Variants in SBF1 observed in about 807,000 individuals in gnomAD.
The protein encoded by SBF1 is SET binding factor 1.
A neutral mutation model predicts 215.8 loss-of-function variants in SBF1; 65 were observed. That is an observed-to-expected ratio of 0.30 (90% confidence interval 0.25 to 0.37). SBF1 has a LOEUF of 0.37. Ranked by LOEUF, SBF1 falls within the 10% of genes least tolerant of loss-of-function variation. The probability of loss-of-function intolerance (pLI) is 1.00; values close to 1 mark genes in which losing one functional copy is unlikely to be tolerated. For missense variants in SBF1, 2,634 were observed against 2,667.8 expected (o/e 0.99, Z 0.28); for synonymous variants, 1,410 against 1,122.8 (o/e 1.26, Z -5.11).
At chr22:50,455,664 C>T in intron 31 of SBF1, 82 bp from the exon 32 acceptor site, 2 of 1,177,604 alleles carry the variant, frequency 1.7e-6, no homozygotes, top group Non-Finnish European at 2.5e-6. Flanking sequence ...ACCCGCATGT[C>T]CACAGGCAGC....
chr22:50,454,666 G>GCTCCCTC lies in SBF1; in HGVS notation c.4888_4889insGAGGGAG (p.Pro1630ArgfsTer6). The GCTCCCTC allele has an allele frequency of 6.3e-7, 1 of 1,581,558 alleles. No individual in the cohort carries two copies. Among genetic ancestry groups the GCTCCCTC allele is most frequent in the South Asian group, 1.2e-5 (1 of 86,326 alleles). On this transcript the variant is annotated frameshift_variant, in exon 36 of 41. Transcript: ENST00000380817. LOFTEE classifies it high-confidence loss of function. ...CTGGGCCAGTTCCCAGTCATAGGGA[G>GCTCCCTC]GGCCCTCGGCCAGCGTCTCCTCAGT... is the stretch of plus-strand genomic sequence containing the variant.
Position 50,448,238 on chromosome 22 carries a change from C to A in SBF1, c.5358G>T (p.Glu1786Asp). 6.2e-7 allele frequency: 1 copy of A among 1,611,818 alleles called. No homozygotes were observed. The highest frequency in any genetic ancestry group is 8.5e-7 in the Non-Finnish European group (1 of 1,179,872). Residue 1786 changes from glutamate to aspartate, a missense_variant, in exon 38 of 41, where the codon GAG becomes GAT. Transcript: ENST00000380817. ...AGTGGGAGGTGCCCTCATACCTGTT[C>A]TCACTCTCTGCTGTCTGGAACTGGC... is the stretch of plus-strand genomic sequence containing the variant. ...LYSQFQTAES[E>D]NRSYEGTLYK...
At position 50,466,253 on chromosome 22, in the gene SBF1, G is replaced by A. The variant is rs1160314942; in HGVS notation, c.794C>T (p.Thr265Ile). ...ALLFPLRYSF[T>I]YVPILPAQLL... ...CTGAGCCGGCAGGATGGGCACATAG[G>A]TGAAGCTGTGCAGGCCCCAGAGGAT... Residue 265 changes from threonine (T) to isoleucine (I), a missense_variant, in exon 8 of 41, where the codon ACC becomes ATC. Transcript: ENST00000380817. 5.0e-6 allele frequency: 8 copies of A among 1,613,554 alleles called. No homozygotes were observed. Among genetic ancestry groups the A allele is most frequent in the South Asian group, 1.1e-5 (1 of 91,092 alleles).
chr22:50,460,431 A>C, intron 24 of SBF1, 23 bp from the exon 25 acceptor site: 1 of 1,604,718 alleles, frequency 6.2e-7, no homozygotes, highest in Non-Finnish European at 8.5e-7. Context: ...AGAGTCAGCA[A>C]AGGTGAGAGG....
In SBF1 at chr22:50,460,065, G is replaced by A. The variant is rs1467068641; in HGVS notation, c.3378C>T (p.Cys1126=). ...GACCGAGGCGCTGGTAGTCGCGACA[G>A]CAAGCCCTTTCCACCAGGCTGCTCA... is the stretch of plus-strand genomic sequence containing the variant. ...MTMSSLVERA[C]CRDYQRLGLG... The change falls in exon 26 of 41, where the codon TGC becomes TGT. Residue 1126 remains cysteine, a synonymous_variant. Transcript: ENST00000380817. The A allele has an allele frequency of 1.2e-6, 2 of 1,613,966 alleles. No individual in the cohort carries two copies. Among genetic ancestry groups the A allele is most frequent in the Non-Finnish European group, 1.7e-6 (2 of 1,179,982 alleles).
intron 16 of SBF1, 29 bp from the exon 17 acceptor site, chr22:50,462,967 CCTCTCCCCTCCCAGGCAG>C (rs2067586252): frequency 1.3e-6 from 2 of 1,592,322 alleles, no homozygotes; most frequent in South Asian, 2.3e-5. Context: ...ACCGTCAGGA[CCTCTCCCCTCCCAGGCAG>C]CACTCACCTC....
At position 50,447,320 on chromosome 22, in the gene SBF1, A is replaced by G; in HGVS notation, c.5583+2T>C. The G allele has an allele frequency of 6.2e-7, 1 of 1,613,758 alleles. No homozygotes were observed. The highest frequency in any genetic ancestry group is 8.5e-7 in the Non-Finnish European group (1 of 1,179,748). On this transcript the variant is annotated splice_donor_variant, in intron 40 of 40. Transcript: ENST00000380817. LOFTEE classifies it high-confidence loss of function. ...CTCTCCCAAGCCCCGGCCAAGGCTC[A>G]CGTCAAAGAAGGCCTTCTCGTCCAC...
chr22:50,459,758 T>C, intron 26 of SBF1, 92 bp from the exon 27 acceptor site: 1 of 1,408,058 alleles, frequency 7.1e-7, no homozygotes, highest in African/African-American at 1.4e-5. Context: ...AGCCCATGGC[T>C]CCCAGCAGGA....
intron 29 of SBF1, 30 bp downstream of exon 29, chr22:50,457,004 A>G: frequency 7.1e-7 from 1 of 1,398,780 alleles, no homozygotes; most frequent in Non-Finnish European, 9.3e-7. Context: ...AAGTAAGGGG[A>G]GGCGGGCCTG....
chr22:50,462,324 G>A lies in SBF1; in HGVS notation c.2277C>T (p.His759=), dbSNP rs779735683. 7 of 1,613,974 alleles carry A rather than the reference G, an allele frequency of 4.3e-6. No individual in the cohort carries two copies. The East Asian group carries it at 6.7e-5, about 15-fold the overall frequency. ...GGAGGTAGCTCATGCGGTTGGCATA[G>A]TGGATGGCCTGGCTGAACACCGTGC... The part of the protein sequence containing the change: ...EESTVFSQAI[H]YANRMSYLLL... The change falls in exon 19 of 41, where the codon CAC becomes CAT. Residue 759 remains histidine (H), a synonymous_variant. Coordinates refer to ENST00000380817, the MANE Select transcript of SBF1 (RefSeq NM_002972.4).
Position 50,462,470 on chromosome 22 carries a change from C to T in SBF1, c.2131G>A (p.Val711Ile). Residue 711 changes from valine (V) to isoleucine (I), a missense_variant, in exon 19 of 41, where the codon GTT (valine) becomes ATT (isoleucine). By Grantham distance (29) the Val-to-Ile change is conservative. Coordinates refer to ENST00000380817, the MANE Select transcript of SBF1 (RefSeq NM_002972.4). ...PTEDLAPAQE[V>I]GEAPSQEDER... The stretch of plus-strand genomic sequence containing the variant: ...TCCTCCTGGGAAGGTGCCTCCCCAA[C>T]CTCCTGCCACGGCACCACACGCATG... 1 of 1,613,374 alleles carries T rather than the reference C, an allele frequency of 6.2e-7. No homozygotes were observed.
Position 50,448,528 on chromosome 22 carries a change from CTG to C in SBF1, c.5151+13_5151+14del, listed in dbSNP as rs2066923107. On this transcript the variant is annotated intron_variant, in intron 37 of 40. Coordinates refer to ENST00000380817, the MANE Select transcript of SBF1 (RefSeq NM_002972.4). ...AACACGCCCACCGTGGACGCTCACACTGGCCCTCACTCACACGGCCGTCTGGC... is the reference window on the plus strand; with the variant it reads ...AACACGCCCACCGTGGACGCTCACACGCCCTCACTCACACGGCCGTCTGGC... The C allele has an allele frequency of 6.2e-7, 1 of 1,611,190 alleles. No homozygotes were observed. Among genetic ancestry groups the C allele is most frequent in the Non-Finnish European group, 8.5e-7 (1 of 1,178,650 alleles).
At position 50,460,368 on chromosome 22, in the gene SBF1, T is replaced by A; in HGVS notation, c.3187A>T (p.Ile1063Phe). 1 of 1,613,442 alleles carries A rather than the reference T, an allele frequency of 6.2e-7. No individual in the cohort carries two copies. The highest frequency in any genetic ancestry group is 8.5e-7 in the Non-Finnish European group (1 of 1,179,562). Residue 1063 changes from isoleucine (I) to phenylalanine (F), a missense_variant, in exon 25 of 41, where the codon ATC (isoleucine) becomes TTC (phenylalanine). Transcript: ENST00000380817. ...TTGCGAGTGACATGCTGCCGCCCGA[T>A]GGTCTTCTTGGCGTTCTTGACCAGG... Reference protein sequence around the residue: ...RNLVKNAKKTIGRQHVTRKKY... With the variant: ...RNLVKNAKKTFGRQHVTRKKY...
At chr22:50,459,703 C>A (rs763775363) in intron 26 of SBF1, 37 bp from the exon 27 acceptor site, 5 of 1,549,856 alleles carry the variant, frequency 3.2e-6, no homozygotes, top group Non-Finnish European at 4.3e-6. Context: ...GGCTGGCGAC[C>A]CCACCCGCCT....
At position 50,467,403 on chromosome 22, in the gene SBF1, C is replaced by T. The variant is rs1435101779; in HGVS notation, c.484G>A (p.Val162Met). ...TTCCCAATCACGTTCTCCAGGCACA[C>T]ATTCAGGCCCTCCACGTGGATGGCA... is the stretch of plus-strand genomic sequence containing the variant. ...IYAIHVEGLN[V>M]CLENVIGNLL... Residue 162 changes from valine (V) to methionine (M), a missense_variant, in exon 5 of 41, where the codon GTG (valine) becomes ATG (methionine). By Grantham distance (21) the Val-to-Met change is conservative. Transcript: ENST00000380817. 3 of 1,614,068 alleles carry T rather than the reference C, an allele frequency of 1.9e-6. No individual in the cohort carries two copies. Among genetic ancestry groups the T allele is most frequent in the Middle Eastern group, 1.6e-4 (1 of 6,084 alleles).
In SBF1 at chr22:50,447,343, C is replaced by T; in HGVS notation, c.5562G>A (p.Val1854=). The part of the protein sequence containing the change: ...GTPTMGAPKT[V]DEKAFFDVKT... ...TCACGTCAAAGAAGGCCTTCTCGTC[C>T]ACAGTCTTAGGGGCACCCATAGTGG... Residue 1854 remains valine, a synonymous_variant, in exon 40 of 41, where the codon GTG becomes GTA. Transcript: ENST00000380817. 1.2e-6 allele frequency: 2 copies of T among 1,614,084 alleles called. No individual in the cohort carries two copies. Among genetic ancestry groups the T allele is most frequent in the Non-Finnish European group, 1.7e-6 (2 of 1,179,972 alleles).
intron 36 of SBF1, among the ~76,000 whole-genome samples, chr22:50,453,344 C>G (rs1395738305): frequency 6.6e-6 from 1 of 152,188 alleles, no homozygotes; most frequent in Non-Finnish European, 1.5e-5. Context: ...GGGTCACCTC[C>G]ATCACAAACC....
chr22:50,459,219 G>GC (rs1469356407), intron 28 of SBF1, 36 bp downstream of exon 28: 1 of 1,574,416 alleles, frequency 6.4e-7, no homozygotes, highest in East Asian at 2.3e-5. Context: ...CCCCCAAAGT[G>GC]CCCCTGCCCC....
chr22:50,465,132 G>A lies in SBF1; in HGVS notation c.1204-3C>T, dbSNP rs1569513461. 2 of 1,614,004 alleles carry A rather than the reference G, an allele frequency of 1.2e-6. No homozygotes were observed. The highest frequency in any genetic ancestry group is 1.7e-6 in the Non-Finnish European group (2 of 1,179,986). ...CCACGCTGGCCCAGGAAGGCTGCCT[G>A]GATGACAGAAGGAGGTCGGTCCCTC... On this transcript the variant is annotated splice_polypyrimidine_tract_variant and splice_region_variant and intron_variant, in intron 11 of 40. Transcript: ENST00000380817.
Sources: allele counts gnomAD v4.1 joint callset (sites outside exome capture counted in the v4.1 genomes callset), GRCh38; gene constraint gnomAD v4.1.1; transcripts MANE v1.5; gene names NCBI Gene and HGNC (gene_info 2026-07-23, HGNC 2026-07-21).